SLC12A2: variants seen among roughly 807,000 people sequenced by gnomAD.
SLC12A2 encodes the protein solute carrier family 12 member 2, also known as Na-K-2Cl cotransporter 1.
Under a neutral mutation model 136.3 loss-of-function variants are expected in SLC12A2, and 67 were observed. The ratio of observed to expected loss-of-function variants is 0.49; its 90% CI spans 0.40 to 0.60. The LOEUF is 0.60. Among genes scored for constraint, SLC12A2 ranks in the 20% least tolerant of loss-of-function variants. SLC12A2 has a pLI of 0.00. For missense variants in SLC12A2, 1,322 were observed against 1,534.7 expected, an observed-to-expected ratio of 0.86 and a Z score of 2.32; for synonymous variants, 619 against 562.9, an observed-to-expected ratio of 1.10 and a Z score of -1.41.
intron 1 of SLC12A2, among the ~76,000 whole-genome samples, chr5:128,102,904 G>A (rs1023001028): frequency 6.6e-6 from 1 of 151,994 alleles, no homozygotes; most frequent in Non-Finnish European, 1.5e-5. Flanking sequence ...TTACAGGCAT[G>A]AGCCACTGTG....
chr5:128,182,779 G>T, intron 23 of SLC12A2, 76 bp from the exon 24 acceptor site: 2 of 975,156 alleles, frequency 2.1e-6, no homozygotes, highest in South Asian at 3.1e-5. Flanking sequence ...TATAAATCAT[G>T]CTTTTTAGAT....
chr5:128,186,643 A>G lies in SLC12A2; in HGVS notation c.*12A>G. ...CCTTCTATTCATAAATGTTCTATAC[A>G]GTGGACAGCCCTCCAGAATGGTACT... On this transcript the variant is annotated 3_prime_UTR_variant, in exon 27 of 27. Coordinates refer to ENST00000262461, the MANE Select transcript of SLC12A2 (RefSeq NM_001046.3). The G allele has an allele frequency of 2.5e-6, 4 of 1,613,038 alleles. No homozygotes were observed. The highest frequency in any genetic ancestry group is 1.7e-4 in the Middle Eastern group (1 of 6,060).
intron 18 of SLC12A2, 146 bp from the exon 19 acceptor site, chr5:128,171,521 A>G: frequency 1.6e-6 from 1 of 625,846 alleles, no homozygotes; most frequent in South Asian, 2.0e-5. Context: ...TATCTCAACA[A>G]GTGATTTTCA....
At chr5:128,114,474 G>A (rs192947035) in intron 3 of SLC12A2, 112 bp from the exon 4 acceptor site, 2 of 844,252 alleles carry the variant, frequency 2.4e-6, no homozygotes, top group Admixed American at 2.6e-5. Flanking sequence ...TCAAAATTGG[G>A]TAATTTATAA....
chr5:128,183,983 T>TA (rs1457719512), intron 24 of SLC12A2, among the ~76,000 whole-genome samples: 2 of 151,874 alleles, frequency 1.3e-5, no homozygotes, highest in Non-Finnish European at 2.9e-5. Context: ...GATTTTTTTT[T>TA]AAATTTTGGA....
chr5:128,177,301 A>G lies in SLC12A2; in HGVS notation c.2977+149A>G, dbSNP rs1763568928. The G allele has an allele frequency of 9.3e-6, 5 of 536,398 alleles. No homozygotes were observed. In the East Asian group the frequency reaches 1.8e-4, roughly 20 times the overall value. 33.2% of individuals were successfully genotyped at this position (536,398 alleles called of 1,614,324 possible). On this transcript the variant is annotated intron_variant, in intron 21 of 26. Transcript: ENST00000262461. ...ATAAATGCAGATTAGAAAAATTATTATTAGTCTAACTAAAAAGTTAAATAT... is the reference window on the plus strand; with the variant it reads ...ATAAATGCAGATTAGAAAAATTATTGTTAGTCTAACTAAAAAGTTAAATAT...
chr5:128,129,848 T>C (rs1446911472), intron 4 of SLC12A2, among the ~76,000 whole-genome samples: 1 of 152,126 alleles, frequency 6.6e-6, no homozygotes, highest in African/African-American at 2.4e-5. Context: ...AAAGAGCTCT[T>C]AGAGACTTCA....
intron 1 of SLC12A2, among the ~76,000 whole-genome samples, chr5:128,111,198 AATAT>A (rs1412962210): frequency 5.9e-5 from 9 of 152,206 alleles, no homozygotes; most frequent in African/African-American, 4.8e-5. Flanking sequence ...TTTATTAAAA[AATAT>A]ATATACACAC....
intron 17 of SLC12A2, among the ~76,000 whole-genome samples, chr5:128,166,693 T>C (rs1000032081): frequency 6.6e-6 from 1 of 152,030 alleles, no homozygotes; most frequent in African/African-American, 2.4e-5. Flanking sequence ...TTATAGAATT[T>C]CTGTTTGGGG....
At chr5:128,128,852 A>C (rs956449642) in intron 4 of SLC12A2, among the ~76,000 whole-genome samples, 3 of 151,572 alleles carry the variant, frequency 2.0e-5, no homozygotes, top group Admixed American at 2.0e-4. Context: ...AGTGGGAAGG[A>C]ATAGGGCAAA....
At chr5:128,118,464 T>G (rs1212553662) in intron 4 of SLC12A2, among the ~76,000 whole-genome samples, 1 of 152,104 alleles carries the variant, frequency 6.6e-6, no homozygotes, top group Non-Finnish European at 1.5e-5. Flanking sequence ...GTGAAGTAAC[T>G]CAGGAATGGA....
intron 21 of SLC12A2, 26 bp from the exon 22 acceptor site, chr5:128,178,541 A>C: frequency 6.6e-7 from 1 of 1,508,726 alleles, no homozygotes; most frequent in Non-Finnish European, 8.9e-7. Context: ...CTTTGCTTAC[A>C]TTTTATATTT....
At position 128,189,097 on chromosome 5, in the gene SLC12A2, CT is replaced by C. The variant is rs1446796105; in HGVS notation, c.*2468del. The C allele has an allele frequency of 6.6e-6, 1 of 152,044 alleles. No individual in the cohort carries two copies. Among genetic ancestry groups the C allele is most frequent in the East Asian group, 1.9e-4 (1 of 5,180 alleles). 9.4% of individuals were successfully genotyped at this position (152,044 alleles called of 1,614,324 possible). ...GTGAAATAATGTAAGAAGCTTTTCA[CT>C]TAAAAAAAATGCATTACTTTCACTT... On this transcript the variant is annotated 3_prime_UTR_variant, in exon 27 of 27. Coordinates refer to ENST00000262461, the MANE Select transcript of SLC12A2 (RefSeq NM_001046.3).
chr5:128,166,481 T>TG (rs1763208467), intron 17 of SLC12A2, among the ~76,000 whole-genome samples: 1 of 151,748 alleles, frequency 6.6e-6, no homozygotes, highest in Non-Finnish European at 1.5e-5. Flanking sequence ...TGTGTGTGTG[T>TG]TTGTGTGTGT....
chr5:128,109,567 G>A (rs1465799958), intron 1 of SLC12A2: 17 of 704,710 alleles, frequency 2.4e-5, no homozygotes, highest in South Asian at 4.4e-5. Context: ...AGCTGAGTCC[G>A]GAGAAGAGCA....
intron 7 of SLC12A2, 133 bp downstream of exon 7, chr5:128,135,941 T>C: frequency 1.5e-6 from 1 of 660,326 alleles, no homozygotes; most frequent in Non-Finnish European, 2.7e-6. Flanking sequence ...ATTTACAATT[T>C]AGTTTTGTCC....
Position 128,138,481 on chromosome 5 carries a change from C to G in SLC12A2, c.1409-116C>G, listed in dbSNP as rs1581102388. ...GAACTGGGAAATATGCAAAAATTTA[C>G]TCGTTACTTTAACTGAAGAAAAGTT... On this transcript the variant is annotated intron_variant, in intron 7 of 26. Coordinates refer to ENST00000262461, the MANE Select transcript of SLC12A2 (RefSeq NM_001046.3). 1.8e-5 allele frequency: 16 copies of G among 872,750 alleles called. No homozygotes were observed. In the South Asian group the frequency reaches 2.9e-4, roughly 16 times the overall value. 54.1% of individuals were successfully genotyped at this position (872,750 alleles called of 1,614,324 possible).
chr5:128,152,817 A>G lies in SLC12A2; in HGVS notation c.2363+12A>G, dbSNP rs1762746302. ...GTGAAAAACTTTAGGTAAGTGATAA[A>G]GAAGGAAACATGGAAGCATTTTCTC... On this transcript the variant is annotated intron_variant, in intron 15 of 26. Coordinates refer to ENST00000262461, the MANE Select transcript of SLC12A2 (RefSeq NM_001046.3). 1 of 1,505,748 alleles carries G rather than the reference A, an allele frequency of 6.6e-7. No individual in the cohort carries two copies. Among genetic ancestry groups the G allele is most frequent in the East Asian group, 2.3e-5 (1 of 44,388 alleles). 93.3% of individuals were successfully genotyped at this position (1,505,748 alleles called of 1,614,324 possible).
chr5:128,111,789 CAT>C (rs199937902), intron 1 of SLC12A2, among the ~76,000 whole-genome samples: 4 of 144,188 alleles, frequency 2.8e-5, no homozygotes, highest in East Asian at 2.0e-4. Context: ...AAAGTGTACG[CAT>C]ATATATATGT....
Sources: gnomAD v4.1 joint callset for allele counts (sites outside exome capture counted in the v4.1 genomes callset) on GRCh38, gnomAD v4.1.1 for gene constraint, MANE v1.5 for transcripts, NCBI Gene and HGNC (gene_info 2026-07-23, HGNC 2026-07-21) for gene names.